KIF20B: variants seen among roughly 807,000 people sequenced by gnomAD.
The protein encoded by KIF20B is kinesin family member 20B.
A neutral mutation model predicts 232.5 loss-of-function variants in KIF20B; 188 were observed. That is an observed-to-expected ratio of 0.81 (90% CI 0.72 to 0.91). The LOEUF (loss-of-function observed/expected upper bound fraction) is 0.91, where lower values mean the gene tolerates loss of function less well. Among genes scored for constraint, KIF20B ranks in the 40% least tolerant of loss-of-function variants. The pLI is 0.00. For synonymous variants in KIF20B, 712 were observed against 683.0 expected, an observed-to-expected ratio of 1.04 and a Z score of -0.66; for missense variants, 2,154 against 2,055.9, an observed-to-expected ratio of 1.05 and a Z score of -0.92.
intron 15 of KIF20B, among the ~76,000 whole-genome samples, chr10:89,725,775 T>G (rs867866446): frequency 6.6e-6 from 1 of 152,164 alleles, no homozygotes; most frequent in Admixed American, 6.5e-5. Context: ...ATTATCCTTT[T>G]CTGCTGCTTC....
chr10:89,752,836 C>A, intron 25 of KIF20B, 145 bp downstream of exon 25: 1 of 508,266 alleles, frequency 2.0e-6, no homozygotes, highest in Non-Finnish European at 3.1e-6. Context: ...GTAAATATAA[C>A]TTTTCAGTGC....
intron 13 of KIF20B, among the ~76,000 whole-genome samples, chr10:89,721,960 G>A (rs1039742078): frequency 6.6e-6 from 1 of 152,014 alleles, no homozygotes; most frequent in Non-Finnish European, 1.5e-5. Flanking sequence ...TACCTAGGCT[G>A]GAGTGCAATA....
In KIF20B at chr10:89,738,553, G is replaced by T; in HGVS notation, c.3712G>T (p.Asp1238Tyr). 1 of 1,584,332 alleles carries T rather than the reference G, an allele frequency of 6.3e-7. No homozygotes were observed. Among genetic ancestry groups the T allele is most frequent in the East Asian group, 2.3e-5 (1 of 44,410 alleles). Residue 1238 changes from aspartate (D) to tyrosine (Y), a missense_variant, in exon 20 of 33, where the codon GAT becomes TAT. By Grantham distance (160) the Asp-to-Tyr change is radical. Coordinates refer to ENST00000371728, the MANE Select transcript of KIF20B (RefSeq NM_001284259.2). ...EITQLTNNLQ[D>Y]MKHLLQLKEE... ...CACACAGTTAACAAATAATTTGCAA[G>T]ATATGAAACATTTACTTCAATTAAA...
In KIF20B at chr10:89,738,582, A is replaced by C; in HGVS notation, c.3741A>C (p.Glu1247Asp). The change falls in exon 20 of 33, where the codon GAA becomes GAC. Residue 1247 changes from glutamate (E) to aspartate (D), a missense_variant. Glu to Asp is a conservative substitution (Grantham distance 45). Coordinates refer to ENST00000371728, the MANE Select transcript of KIF20B (RefSeq NM_001284259.2). The part of the protein sequence containing the change: ...QDMKHLLQLK[E>D]EEEETNRQET... ...TGAAACATTTACTTCAATTAAAAGA[A>C]GAAGAAGAAGAAACCAACAGGCAAG... is the stretch of plus-strand genomic sequence containing the variant. 6.4e-7 allele frequency: 1 copy of C among 1,560,486 alleles called. No individual in the cohort carries two copies. Among genetic ancestry groups the C allele is most frequent in the Non-Finnish European group, 8.6e-7 (1 of 1,158,514 alleles).
intron 13 of KIF20B, chr10:89,723,431 A>G (rs1481026327): frequency 6.6e-6 from 1 of 152,268 alleles, no homozygotes; most frequent in Non-Finnish European, 1.5e-5. Context: ...GGATAGTTAT[A>G]AAAGCCTAAT....
At position 89,709,887 on chromosome 10, in the gene KIF20B, T is replaced by G. The variant is rs1433600475; in HGVS notation, c.352-40T>G. ...ATGGAACACACTATTAATATTAACT[T>G]GAATTTTCTAAAAAGAGTTTTTAAA... On this transcript the variant is annotated intron_variant, in intron 4 of 32. Coordinates refer to ENST00000371728, the MANE Select transcript of KIF20B (RefSeq NM_001284259.2). The G allele has an allele frequency of 5.9e-6, 9 of 1,532,826 alleles. No homozygotes were observed. The Admixed American group carries it at 6.4e-5, about 11-fold the overall frequency. 95.0% of individuals were successfully genotyped at this position (1,532,826 alleles called of 1,614,324 possible).
At chr10:89,714,480 A>G (rs898806139) in intron 7 of KIF20B, among the ~76,000 whole-genome samples, 1 of 152,182 alleles carries the variant, frequency 6.6e-6, no homozygotes, top group African/African-American at 2.4e-5. Context: ...GTCTCAAAAA[A>G]AAAAATTTTC....
At chr10:89,739,160 C>T in intron 21 of KIF20B, 64 bp downstream of exon 21, 1 of 1,501,366 alleles carries the variant, frequency 6.7e-7, no homozygotes, top group Non-Finnish European at 9.1e-7. Flanking sequence ...ATATATCAAA[C>T]TTAGACATTA....
intron 19 of KIF20B, among the ~76,000 whole-genome samples, chr10:89,735,056 C>T (rs1482731993): frequency 6.6e-6 from 1 of 152,114 alleles, no homozygotes; most frequent in Non-Finnish European, 1.5e-5. Context: ...CCCAATAAAA[C>T]TAGAAAATCA....
chr10:89,728,910 T>TGC, intron 17 of KIF20B, among the ~76,000 whole-genome samples: 2 of 77,024 alleles, frequency 2.6e-5, no homozygotes, highest in African/African-American at 8.4e-5. Context: ...TTTCTTTGTG[T>TGC]GTGTGTGTGT....
Position 89,710,947 on chromosome 10 carries a change from A to C in KIF20B, c.491-14A>C. On this transcript the variant is annotated splice_polypyrimidine_tract_variant and intron_variant, in intron 5 of 32. Transcript: ENST00000371728. Reference sequence around the variant, plus strand: ...GTAGACTGAGAGAGTATAACACAAAAATTCCTTTTGCAGGGACAGAAGAAA... The same window carrying C: ...GTAGACTGAGAGAGTATAACACAAACATTCCTTTTGCAGGGACAGAAGAAA... 6.3e-7 allele frequency: 1 copy of C among 1,595,852 alleles called. No individual in the cohort carries two copies. Among genetic ancestry groups the C allele is most frequent in the South Asian group, 1.1e-5 (1 of 87,482 alleles).
chr10:89,772,174 T>C (rs1334657082), intron 31 of KIF20B, among the ~76,000 whole-genome samples: 2 of 152,056 alleles, frequency 1.3e-5, no homozygotes, highest in African/African-American at 4.8e-5. Flanking sequence ...ATTTAAAAAT[T>C]CCTATTCTAC....
chr10:89,726,806 TTATATA>T (rs900157877), intron 16 of KIF20B, among the ~76,000 whole-genome samples: 1 of 151,814 alleles, frequency 6.6e-6, no homozygotes, highest in South Asian at 2.1e-4. Flanking sequence ...GTAAATTTTG[TTATATA>T]TATATATTTT....
Position 89,705,396 on chromosome 10 carries a change from G to A in KIF20B, c.102G>A (p.Lys34=). 6.2e-7 allele frequency: 1 copy of A among 1,614,072 alleles called. No individual in the cohort carries two copies. Among genetic ancestry groups the A allele is most frequent in the East Asian group, 2.2e-5 (1 of 44,848 alleles). The change falls in exon 2 of 33, where the codon AAG becomes AAA. Residue 34 remains lysine, a synonymous_variant. Transcript: ENST00000371728. The part of the protein sequence containing the change: ...RPSEINFDGI[K]LDLSHEFSLV... The stretch of plus-strand genomic sequence containing the variant: ...CAGAAATAAATTTCGATGGCATTAA[G>A]CTTGATCTGTCTCATGAATTTTCCT...
At chr10:89,761,833 T>G (rs1842248067) in intron 28 of KIF20B, among the ~76,000 whole-genome samples, 1 of 152,218 alleles carries the variant, frequency 6.6e-6, no homozygotes, top group African/African-American at 2.4e-5. Flanking sequence ...CATAAATTTA[T>G]GTATGTTGTC....
chr10:89,758,282 T>C (rs1040305116), intron 26 of KIF20B, among the ~76,000 whole-genome samples: 2 of 152,214 alleles, frequency 1.3e-5, no homozygotes, highest in African/African-American at 4.8e-5. Context: ...CAGTATTTTA[T>C]GGTTTTATAC....
chr10:89,754,128 G>T (rs1842075444), intron 25 of KIF20B, among the ~76,000 whole-genome samples: 1 of 149,856 alleles, frequency 6.7e-6, no homozygotes, highest in Non-Finnish European at 1.5e-5. Context: ...CATCTCGTAG[G>T]CCCAGGAATA....
intron 31 of KIF20B, 40 bp downstream of exon 31, chr10:89,768,928 T>C: frequency 6.6e-7 from 1 of 1,515,584 alleles, no homozygotes; most frequent in South Asian, 1.2e-5. Context: ...TTTTGTTAGA[T>C]GTTGGGTATA....
intron 22 of KIF20B, among the ~76,000 whole-genome samples, chr10:89,744,768 A>G (rs1841876218): frequency 1.3e-5 from 2 of 150,562 alleles, no homozygotes; most frequent in African/African-American, 5.0e-5. Context: ...ACTAATGAAT[A>G]GTCAGGTATA....
Sources: gnomAD v4.1 joint callset for allele counts (sites outside exome capture counted in the v4.1 genomes callset) on GRCh38, gnomAD v4.1.1 for gene constraint, MANE v1.5 for transcripts, NCBI Gene and HGNC (gene_info 2026-07-23, HGNC 2026-07-21) for gene names.